The following FRMPD2 variants were observed in gnomAD, a reference collection of about 807,000 sequenced individuals.
FRMPD2 encodes FERM and PDZ domain-containing protein 2.
In FRMPD2, 96 loss-of-function variants were observed where a neutral mutation model predicts 140.1. The observed-to-expected ratio is 0.69, with a 90% CI of 0.58 to 0.81. The LOEUF is 0.81. Ranked by LOEUF, FRMPD2 falls within the 40% of genes least tolerant of loss-of-function variation. FRMPD2 has a pLI of 0.00. For missense variants in FRMPD2, 1,240 were observed against 1,447.4 expected (o/e 0.86, Z 2.32); for synonymous variants, 449 against 547.6 (o/e 0.82, Z 2.52).
chr10:48,242,146 C>CG lies in FRMPD2; in HGVS notation c.567+14dup. 6.4e-7 allele frequency: 1 copy of CG among 1,552,544 alleles called. No individual in the cohort carries two copies. The highest frequency in any genetic ancestry group is 1.2e-5 in the South Asian group (1 of 81,808). On this transcript the variant is annotated intron_variant, in intron 5 of 28. Coordinates refer to ENST00000374201, the MANE Select transcript of FRMPD2 (RefSeq NM_001018071.4). The stretch of plus-strand genomic sequence containing the variant: ...ACCAGCAGCTACTGCTTGAAAAGCA[C>CG]GGTTCTCTACTGACCTCAGAAATGG...
At chr10:48,185,443 A>T in intron 18 of FRMPD2, 110 bp downstream of exon 18, 1 of 748,582 alleles carries the variant, frequency 1.3e-6, no homozygotes, top group South Asian at 1.5e-5. Context: ...GCAGACTGGG[A>T]GAGGAGGGAT....
At chr10:48,248,336 C>T (rs1588853639) in intron 3 of FRMPD2, among the ~76,000 whole-genome samples, 1 of 152,276 alleles carries the variant, frequency 6.6e-6, no homozygotes, top group East Asian at 1.9e-4. Context: ...TGTTGAAAAA[C>T]CAAAAACCTC....
chr10:48,184,353 T>C (rs1026089769), intron 20 of FRMPD2, among the ~76,000 whole-genome samples: 3 of 152,166 alleles, frequency 2.0e-5, no homozygotes, highest in Non-Finnish European at 4.4e-5. Context: ...GGTTACTCCC[T>C]TTCAGCAAGA....
chr10:48,237,739 G>T (rs1240595402), intron 8 of FRMPD2, among the ~76,000 whole-genome samples: 2 of 152,026 alleles, frequency 1.3e-5, no homozygotes, highest in African/African-American at 4.8e-5. Context: ...CTTCCTCTAG[G>T]GTGGGACCCA....
At chr10:48,225,127 G>T (rs571524789) in intron 10 of FRMPD2, among the ~76,000 whole-genome samples, 1 of 152,322 alleles carries the variant, frequency 6.6e-6, no homozygotes, top group African/African-American at 2.4e-5. Flanking sequence ...GGAGGGAGAG[G>T]ATTTCGCCAG....
intron 14 of FRMPD2, among the ~76,000 whole-genome samples, chr10:48,202,763 T>C (rs928950272): frequency 2.0e-5 from 3 of 152,206 alleles, no homozygotes; most frequent in African/African-American, 4.8e-5. Flanking sequence ...GACAATTTTA[T>C]ATTAAGTTTA....
At chr10:48,187,600 A>AT (rs1434483941) in intron 16 of FRMPD2, among the ~76,000 whole-genome samples, 2 of 152,176 alleles carry the variant, frequency 1.3e-5, no homozygotes, top group South Asian at 2.1e-4. Context: ...GTAAACCTCC[A>AT]TTTTTTCAAC....
At chr10:48,182,537 GTC>G (rs1442821644) in intron 20 of FRMPD2, among the ~76,000 whole-genome samples, 1 of 152,208 alleles carries the variant, frequency 6.6e-6, no homozygotes, top group Non-Finnish European at 1.5e-5. Context: ...TGGTAGTCAA[GTC>G]TCTGCCACGG....
intron 10 of FRMPD2, among the ~76,000 whole-genome samples, chr10:48,230,445 G>A (rs1291114170): frequency 1.3e-5 from 2 of 152,182 alleles, no homozygotes; most frequent in Non-Finnish European, 2.9e-5. Context: ...CTAGCCTTGA[G>A]AGACTTTTAA....
rs768290532 is a variant in FRMPD2, at chr10:48,184,566, C to T, written c.2584G>A (p.Gly862Ser). 8 of 1,591,142 alleles carry T rather than the reference C, an allele frequency of 5.0e-6. No individual in the cohort carries two copies. In the African/African-American group the frequency reaches 5.4e-5, roughly 11 times the overall value. ...NIELIISQSK[G>S]VGGNNPDEEK... is the part of the protein sequence containing the mutation. ...CTCCCAAGAGTGGGTTAAAACATAC[C>T]TTTTGACTGAGAAATAATTAATTCT... Residue 862 changes from glycine to serine, a missense_variant and splice_region_variant, in exon 20 of 29, where the codon GGT becomes AGT. Gly to Ser is a moderately conservative substitution (Grantham distance 56). This residue lies in a region of FRMPD2 where 1,161 missense variants were observed against 1,055.9 expected (regional missense o/e 1.10). Transcript: ENST00000374201.
At chr10:48,215,988 A>G (rs1839438276) in intron 12 of FRMPD2, among the ~76,000 whole-genome samples, 1 of 152,228 alleles carries the variant, frequency 6.6e-6, no homozygotes, top group East Asian at 1.9e-4. Context: ...ACCTCATTCA[A>G]TCTGTTGAAG....
At chr10:48,221,093 C>T (rs946806225) in intron 12 of FRMPD2, among the ~76,000 whole-genome samples, 2 of 152,290 alleles carry the variant, frequency 1.3e-5, no homozygotes, top group Admixed American at 1.3e-4. Context: ...TACTGAGTAT[C>T]TACCCAGAGG....
At chr10:48,266,089 A>G (rs561876574) in intron 1 of FRMPD2, among the ~76,000 whole-genome samples, 1 of 152,338 alleles carries the variant, frequency 6.6e-6, no homozygotes, top group Non-Finnish European at 1.5e-5. Flanking sequence ...GCAGGAGACC[A>G]TTATCCTTAG....
At chr10:48,181,887 T>TACACACACAC (rs56127751) in intron 20 of FRMPD2, among the ~76,000 whole-genome samples, 2,337 of 111,132 alleles carry the variant, frequency 0.021, 54 homozygotes, top group Middle Eastern at 0.039. Flanking sequence ...ATGGCTCTCA[T>TACACACACAC]ACACACACAC....
chr10:48,254,062 TAA>T (rs112690019), intron 1 of FRMPD2, among the ~76,000 whole-genome samples: 6 of 143,744 alleles, frequency 4.2e-5, no homozygotes, highest in African/African-American at 5.1e-5. Context: ...CCCTTTCAAT[TAA>T]AAAAAAAAAA....
At chr10:48,239,740 G>T in intron 6 of FRMPD2, 48 bp from the exon 7 acceptor site, 1 of 1,430,986 alleles carries the variant, frequency 7.0e-7, no homozygotes, top group Non-Finnish European at 9.8e-7. Flanking sequence ...CAAGATCACG[G>T]CTTTCTTAAA....
At chr10:48,243,576 G>A (rs1475102850) in intron 4 of FRMPD2, among the ~76,000 whole-genome samples, 1 of 152,212 alleles carries the variant, frequency 6.6e-6, no homozygotes, top group Non-Finnish European at 1.5e-5. Context: ...CACCCAGGAA[G>A]CCGGTCCTGA....
intron 16 of FRMPD2, among the ~76,000 whole-genome samples, chr10:48,189,306 A>G (rs546744946): frequency 1.3e-5 from 2 of 152,320 alleles, no homozygotes; most frequent in African/African-American, 4.8e-5. Context: ...TGGAGGAGCC[A>G]CACCTTCACC....
intron 16 of FRMPD2, among the ~76,000 whole-genome samples, chr10:48,191,471 G>T (rs752517675): frequency 6.6e-6 from 1 of 152,170 alleles, no homozygotes; most frequent in Non-Finnish European, 1.5e-5. Context: ...CTTTGGGGTC[G>T]TTTGTTACAC....
Sources: allele counts gnomAD v4.1 joint callset (sites outside exome capture counted in the v4.1 genomes callset), GRCh38; gene constraint gnomAD v4.1.1; regional missense constraint gnomAD v4.1.1; transcripts MANE v1.5; gene names NCBI Gene and HGNC (gene_info 2026-07-23, HGNC 2026-07-21).